COQ8A: variants seen among roughly 807,000 people sequenced by gnomAD.
COQ8A encodes coenzyme Q8A.
In COQ8A, 51 loss-of-function variants were observed where a neutral mutation model predicts 65.0. The ratio of observed to expected loss-of-function variants is 0.78; its 90% confidence interval spans 0.63 to 0.99. The LOEUF (loss-of-function observed/expected upper bound fraction) is 0.99. Among genes scored for constraint, COQ8A ranks in the 50% least tolerant of loss-of-function variants. The pLI is 0.00. For synonymous variants in COQ8A, 371 were observed against 353.2 expected (o/e 1.05, Z -0.57); for missense variants, 940 against 875.0 (o/e 1.07, Z -0.94).
At chr1:226,980,953 G>A (rs931642931) in intron 5 of COQ8A, among the ~76,000 whole-genome samples, 25 of 152,364 alleles carry the variant, frequency 1.6e-4, no homozygotes, top group African/African-American at 6.0e-4. Flanking sequence ...ACCTGGCTCC[G>A]TGCCACCCGA....
At chr1:226,940,998 T>TG (rs984390676) in intron 1 of COQ8A, among the ~76,000 whole-genome samples, 12 of 152,176 alleles carry the variant, frequency 7.9e-5, no homozygotes, top group Admixed American at 7.9e-4. Context: ...CTCCAAACTC[T>TG]GGGGGGTCTT....
At chr1:226,984,042 G>T (rs575275341) in intron 10 of COQ8A, 52 bp from the exon 11 acceptor site, 1 of 1,501,144 alleles carries the variant, frequency 6.7e-7, no homozygotes, top group Non-Finnish European at 9.2e-7. Flanking sequence ...TGTGGGGGGG[G>T]GGACGGTGTG....
chr1:226,960,392 G>GTGGTACTTGGTGGTGGTACT (rs1658136965), intron 1 of COQ8A, among the ~76,000 whole-genome samples: 2 of 342 alleles, frequency 5.8e-3, no homozygotes, highest in African/African-American at 0.013. Flanking sequence ...GGTGGTGTCA[G>GTGGTACTTGGTGGTGGTACT]TGGTGGTACT....
intron 4 of COQ8A, among the ~76,000 whole-genome samples, chr1:226,971,970 CAT>C (rs1316229033): frequency 6.6e-6 from 1 of 152,202 alleles, no homozygotes; most frequent in Non-Finnish European, 1.5e-5. Context: ...TCCAATTACA[CAT>C]ATGTTAGATC....
intron 2 of COQ8A, among the ~76,000 whole-genome samples, chr1:226,963,321 C>T (rs892360173): frequency 2.6e-5 from 4 of 152,242 alleles, no homozygotes; most frequent in Non-Finnish European, 5.9e-5. Flanking sequence ...TCCCTTCTCG[C>T]GAGGGGAGGA....
chr1:226,980,261 C>A (rs1315334501), intron 5 of COQ8A, among the ~76,000 whole-genome samples: 1 of 152,248 alleles, frequency 6.6e-6, no homozygotes, highest in Non-Finnish European at 1.5e-5. Flanking sequence ...ATTCTCACAG[C>A]CAGCCCTGCC....
intron 4 of COQ8A, among the ~76,000 whole-genome samples, chr1:226,977,202 GGT>G (rs1245681707): frequency 6.6e-6 from 1 of 152,198 alleles, no homozygotes; most frequent in Non-Finnish European, 1.5e-5. Flanking sequence ...AATTATCAAA[GGT>G]GATGGTGTGG....
rs1391211265 is a variant in COQ8A at position 226,972,581 on chromosome 1, A to G, written c.656-4868A>G. Among the ~76,000 whole-genome samples the G allele has an allele frequency of 6.6e-6, 1 of 152,178 alleles. No individual in the cohort carries two copies. Among genetic ancestry groups the G allele is most frequent in the Non-Finnish European group, 1.5e-5 (1 of 68,030 alleles). ...AACTCTCTTATGTTAGAAAACAGGC[A>G]TTGCTTAGGCTGTTGGCTCTTGTTG... On this transcript the variant is annotated intron_variant, in intron 4 of 14. Transcript: ENST00000366777. This position sits in a 1 kb window ranked among gnomAD's most constrained non-coding sequence, Gnocchi z 4.3.
chr1:226,955,248 CTA>C (rs1657615235), intron 1 of COQ8A, among the ~76,000 whole-genome samples: 2 of 151,938 alleles, frequency 1.3e-5, no homozygotes, highest in Admixed American at 1.3e-4. Context: ...TAGGAGGTAC[CTA>C]TAGGTGGTTG....
chr1:226,976,022 C>G (rs1572062733), intron 4 of COQ8A, among the ~76,000 whole-genome samples: 1 of 148,536 alleles, frequency 6.7e-6, no homozygotes, highest in Admixed American at 6.8e-5. Flanking sequence ...GCCCTCTCCC[C>G]CAACAGCCCC....
intron 5 of COQ8A, among the ~76,000 whole-genome samples, chr1:226,978,090 CCGAA>C (rs1293398910): frequency 6.7e-6 from 1 of 148,700 alleles, no homozygotes; most frequent in East Asian, 2.0e-4. Flanking sequence ...TGCACACCCA[CCGAA>C]CACCCGCACA....
chr1:226,986,188 C>A (rs1660097481), intron 14 of COQ8A, among the ~76,000 whole-genome samples: 1 of 152,070 alleles, frequency 6.6e-6, no homozygotes, highest in Non-Finnish European at 1.5e-5. Context: ...TGTTAAAACT[C>A]TGTATGAGTG....
intron 5 of COQ8A, among the ~76,000 whole-genome samples, chr1:226,978,699 A>C: frequency 1.5e-5 from 1 of 67,914 alleles, no homozygotes. Context: ...ACACCTGCAC[A>C]CCTCCTTACA....
In COQ8A at chr1:226,982,897, ACT is replaced by A. The variant is rs774353934; in HGVS notation, c.947_948del (p.Leu316GlnfsTer55). ...DFMPLKQMMK[T>X]LNNDLGPNWR... ...CCTCCCTGGCCCTGCCCTTCAGAAA[ACT>A]CTCAACAACGACCTGGGCCCCAACT... On this transcript the variant is annotated frameshift_variant, in exon 8 of 15. Transcript: ENST00000366777. LOFTEE classifies it high-confidence loss of function. The A allele has an allele frequency of 2.5e-6, 4 of 1,612,362 alleles. No individual in the cohort carries two copies. The highest frequency in any genetic ancestry group is 2.2e-5 in the South Asian group (2 of 91,032).
intron 1 of COQ8A, among the ~76,000 whole-genome samples, chr1:226,948,580 A>T (rs982750077): frequency 6.6e-6 from 1 of 152,074 alleles, no homozygotes; most frequent in Non-Finnish European, 1.5e-5. Context: ...GTTGAAAGAA[A>T]CCCTTCAACC....
intron 8 of COQ8A, 161 bp from the exon 9 acceptor site, chr1:226,983,391 C>T: frequency 1.4e-6 from 1 of 737,896 alleles, no homozygotes; most frequent in Non-Finnish European, 2.3e-6. Context: ...GTGATGGGGT[C>T]CAGGTCACGG....
At position 226,984,957 on chromosome 1, in the gene COQ8A, C is replaced by T. The variant is rs765668839; in HGVS notation, c.1572+16C>T. ...CTACATTCAGGTAACTGGAGAGGGG[C>T]CCTGGCCTTGGTCCATGTTTTTCTG... On this transcript the variant is annotated intron_variant, in intron 13 of 14. Transcript: ENST00000366777. 1.2e-6 allele frequency: 2 copies of T among 1,613,788 alleles called. No homozygotes were observed. Among genetic ancestry groups the T allele is most frequent in the Admixed American group, 1.7e-5 (1 of 60,028 alleles).
At chr1:226,970,257 TG>T in intron 4 of COQ8A, among the ~76,000 whole-genome samples, 1 of 152,344 alleles carries the variant, frequency 6.6e-6, no homozygotes, top group East Asian at 1.9e-4. Context: ...CTGGCCCTCA[TG>T]TGTGTCTTAA....
intron 6 of COQ8A, 54 bp from the exon 7 acceptor site, chr1:226,982,624 T>G: frequency 6.3e-7 from 1 of 1,588,764 alleles, no homozygotes; most frequent in Non-Finnish European, 8.6e-7. Flanking sequence ...GCCCAGGTCC[T>G]GGGCGCACAC....
Sources: allele counts gnomAD v4.1 joint callset (sites outside exome capture counted in the v4.1 genomes callset), GRCh38; gene constraint gnomAD v4.1.1; non-coding constraint Gnocchi (gnomAD v3.1); transcripts MANE v1.5; gene names NCBI Gene and HGNC (gene_info 2026-07-23, HGNC 2026-07-21).